TFB1M: variants seen among roughly 807,000 people sequenced by gnomAD.
TFB1M encodes dimethyladenosine transferase 1, mitochondrial.
In TFB1M, 27 loss-of-function variants were observed where a neutral mutation model predicts 31.1. The observed-to-expected ratio is 0.87, with a 90% CI of 0.64 to 1.20. The LOEUF is 1.20. Among genes scored for constraint, TFB1M ranks in the 50% most tolerant of loss-of-function variants. TFB1M has a pLI of 0.00. For synonymous variants in TFB1M, 166 were observed against 151.8 expected (o/e 1.09, Z -0.69); for missense variants, 394 against 418.7 (o/e 0.94, Z 0.51).
chr6:155,284,291 AT>A (rs1165817838), intron 5 of TFB1M, among the ~76,000 whole-genome samples: 1 of 152,104 alleles, frequency 6.6e-6, no homozygotes, highest in Admixed American at 6.5e-5. Flanking sequence ...CACATAATGC[AT>A]TTTTTTCCAT....
intron 2 of TFB1M, among the ~76,000 whole-genome samples, chr6:155,307,290 C>A (rs1777823707): frequency 6.6e-6 from 1 of 152,138 alleles, no homozygotes; most frequent in Non-Finnish European, 1.5e-5. Context: ...TGCTGCTGCT[C>A]ATAAAGACAT....
At chr6:155,260,491 G>T in intron 5 of TFB1M, 91 bp from the exon 6 acceptor site, 1 of 1,518,214 alleles carries the variant, frequency 6.6e-7, no homozygotes, top group Non-Finnish European at 9.1e-7. Context: ...AGGAGGATGG[G>T]CTGTCAACAG....
At chr6:155,293,241 G>T (rs1777015199) in intron 4 of TFB1M, among the ~76,000 whole-genome samples, 1 of 152,042 alleles carries the variant, frequency 6.6e-6, no homozygotes, top group East Asian at 1.9e-4. Context: ...AGACCCAAAT[G>T]GAATTTAGAG....
chr6:155,244,933 T>C, the TFB1M span: 1 of 1,024,482 alleles, frequency 9.8e-7, no homozygotes, highest in Non-Finnish European at 1.3e-6. Flanking sequence ...CGTTTTCCTC[T>C]GTCAGGTGGT....
chr6:155,304,680 T>A (rs1208408165), intron 2 of TFB1M, among the ~76,000 whole-genome samples: 4 of 151,690 alleles, frequency 2.6e-5, no homozygotes, highest in Non-Finnish European at 5.9e-5. Flanking sequence ...AAAAGATTTG[T>A]CAGAAACTTT....
At position 155,257,803 on chromosome 6, in the gene TFB1M, A is replaced by C; in HGVS notation, c.*33T>G. 2.5e-6 allele frequency: 4 copies of C among 1,613,510 alleles called. No homozygotes were observed. Among genetic ancestry groups the C allele is most frequent in the Non-Finnish European group, 3.4e-6 (4 of 1,179,784 alleles). ...AAGAAGCTCCACGTAGTGCAAATCG[A>C]CATCTGGTAGGCTGCTCGCCCCCAG... On this transcript the variant is annotated 3_prime_UTR_variant, in exon 7 of 7. Coordinates refer to ENST00000367166, the MANE Select transcript of TFB1M (RefSeq NM_016020.4).
rs958709274 is a variant in TFB1M at position 155,276,487 on chromosome 6, G to A, written c.666+8671C>T. 4 of 1,014,048 alleles carry A rather than the reference G, an allele frequency of 3.9e-6. No individual in the cohort carries two copies. The Admixed American group carries it at 8.4e-5, about 21-fold the overall frequency. 62.8% of individuals were successfully genotyped at this position (1,014,048 alleles called of 1,614,324 possible). ...ACTTTCCCTACAAAGAAAGTAGAAT[G>A]TAAAATACTTTAACAACTACAAAGT... On this transcript the variant is annotated intron_variant, in intron 5 of 6. Coordinates refer to ENST00000367166, the MANE Select transcript of TFB1M (RefSeq NM_016020.4).
chr6:155,252,333 G>A (rs2115356133), downstream of TFB1M, among the ~76,000 whole-genome samples: 1 of 152,290 alleles, frequency 6.6e-6, no homozygotes, highest in South Asian at 2.1e-4. Flanking sequence ...ACTGGGTGTG[G>A]TAGCACGTGC....
rs746781553 is a variant in TFB1M, at chr6:155,303,483, G to A, written c.286-4898C>T. ...GATCTCCGTACTTATACTTTGTATG[G>A]ACTAAAAAGTCACTTTGGCTGTAAG... On this transcript the variant is annotated intron_variant, in intron 2 of 6. Coordinates refer to ENST00000367166, the MANE Select transcript of TFB1M (RefSeq NM_016020.4). 3.9e-5 allele frequency: 6 copies of A among 152,284 alleles called. No homozygotes were observed. The East Asian group carries it at 1.2e-3, about 29-fold the overall frequency. The allele number at this position is 152,284 out of a possible 1,614,324, so 9.4% of individuals were successfully genotyped here.
At position 155,311,269 on chromosome 6, in the gene TFB1M, T is replaced by A. The variant is rs1447034583; in HGVS notation, c.204A>T (p.Gly68=). ...YVYEVGPGPG[G]ITRSILNADV... ...CGGCATTAAGAATAGATCTTGTGAT[T>A]CCCCCTGGCCCAGGGCCCACTTCGT... Residue 68 remains glycine, a synonymous_variant, in exon 2 of 7, where the codon GGA becomes GGT. Coordinates refer to ENST00000367166, the MANE Select transcript of TFB1M (RefSeq NM_016020.4). 1 of 1,613,864 alleles carries A rather than the reference T, an allele frequency of 6.2e-7. No individual in the cohort carries two copies. Among genetic ancestry groups the A allele is most frequent in the East Asian group, 2.2e-5 (1 of 44,892 alleles).
downstream of TFB1M, chr6:155,252,142 A>G (rs1783700413): frequency 7.7e-6 from 5 of 645,960 alleles, no homozygotes; most frequent in South Asian, 9.9e-5. Flanking sequence ...ACCCCATCAC[A>G]TACTGAGAGC....
rs1177804420 is a variant in TFB1M, at chr6:155,274,796, G to A, written c.666+10362C>T. Among the ~76,000 whole-genome samples, 3 of 152,228 alleles carry A rather than the reference G, an allele frequency of 2.0e-5. No homozygotes were observed. The East Asian group carries it at 5.8e-4, about 29-fold the overall frequency. ...GGGCTATGTGCCTGGCACTGTGGGTGTGTCATAAAGATCTGTTTATGAAAG... is the reference window on the plus strand; with the variant it reads ...GGGCTATGTGCCTGGCACTGTGGGTATGTCATAAAGATCTGTTTATGAAAG... On this transcript the variant is annotated intron_variant, in intron 5 of 6. Transcript: ENST00000367166.
At chr6:155,295,575 G>A (rs1263167830) in intron 4 of TFB1M, among the ~76,000 whole-genome samples, 1 of 152,066 alleles carries the variant, frequency 6.6e-6, no homozygotes, top group Non-Finnish European at 1.5e-5. Flanking sequence ...GGATTCAGGA[G>A]TTCCCTTTAT....
rs146886076 is a variant in TFB1M, at chr6:155,292,429, C to T, written c.546+4524G>A. On this transcript the variant is annotated intron_variant, in intron 4 of 6. Transcript: ENST00000367166. ...TGAGGCTTGGGAGCCTGAACTAGAA[C>T]CAGGGGAAGGCAGGAGCAACTGGGG... is the stretch of plus-strand genomic sequence containing the variant. Among the ~76,000 whole-genome samples the T allele has an allele frequency of 8.0e-3, 1,222 of 152,164 alleles. 22 individuals carry two copies. The highest frequency in any genetic ancestry group is 0.027 in the African/African-American group (1,128 of 41,526).
Position 155,314,421 on chromosome 6 carries a change from G to A in TFB1M, c.8C>T (p.Ala3Val). MA[A>V]SGKLSTCRLP... is the part of the protein sequence containing the mutation. The stretch of plus-strand genomic sequence containing the variant: ...ACGGCAAGTGCTGAGTTTTCCGGAG[G>A]CAGCCATGATACGCGGCAAGCACCA... The change falls in exon 1 of 7, where the codon GCC becomes GTC. Residue 3 changes from alanine (A) to valine (V), a missense_variant. Coordinates refer to ENST00000367166, the MANE Select transcript of TFB1M (RefSeq NM_016020.4). The A allele has an allele frequency of 9.3e-6, 15 of 1,614,132 alleles. No homozygotes were observed. Among genetic ancestry groups the A allele is most frequent in the Non-Finnish European group, 1.3e-5 (15 of 1,179,994 alleles).
At chr6:155,237,618 G>A in the TFB1M span, among the ~76,000 whole-genome samples, 1 of 152,232 alleles carries the variant, frequency 6.6e-6, no homozygotes, top group African/African-American at 2.4e-5. Context: ...AATCTAGGTG[G>A]AGGTTCTGAA....
At chr6:155,248,296 C>T in the TFB1M span, 1 of 1,184,408 alleles carries the variant, frequency 8.4e-7, no homozygotes, top group Admixed American at 2.8e-5. Flanking sequence ...TCCTAAGTCA[C>T]TTTTCAGTTC....
At chr6:155,298,202 T>A (rs978790777) in intron 3 of TFB1M, among the ~76,000 whole-genome samples, 2 of 152,202 alleles carry the variant, frequency 1.3e-5, no homozygotes, top group East Asian at 1.9e-4. Flanking sequence ...GTTTACCCTA[T>A]CCTTATATGG....
the TFB1M span, chr6:155,250,584 G>C: frequency 6.5e-7 from 1 of 1,535,906 alleles, no homozygotes. Context: ...GATCCCAGGG[G>C]AAAGCTTACA....
Sources: allele counts gnomAD v4.1 joint callset (sites outside exome capture counted in the v4.1 genomes callset), GRCh38; gene constraint gnomAD v4.1.1; transcripts MANE v1.5; gene names NCBI Gene and HGNC (gene_info 2026-07-23, HGNC 2026-07-21).